Variants in MSRA observed in about 807,000 individuals in gnomAD.
MSRA encodes the protein methionine sulfoxide reductase A, also known as mitochondrial peptide methionine sulfoxide reductase.
MSRA carries 54 observed loss-of-function variants against 31.3 expected under a neutral mutation model. The ratio of observed to expected loss-of-function variants is 1.73; its 90% CI spans 1.39 to 2.17. MSRA has a LOEUF of 2.17. Ranked by LOEUF, MSRA falls within the 30% of genes most tolerant of loss-of-function variation. The probability of loss-of-function intolerance (pLI) is 0.00; values close to 1 mark genes in which losing one functional copy is unlikely to be tolerated. For synonymous variants in MSRA, 169 were observed against 116.5 expected, an observed-to-expected ratio of 1.45 and a Z score of -2.90; for missense variants, 507 against 300.9, an observed-to-expected ratio of 1.69 and a Z score of -5.07.
intron 1 of MSRA, chr8:10,096,071 A>G: frequency 7.3e-7 from 1 of 1,376,572 alleles, no homozygotes; most frequent in East Asian, 2.6e-5. Context: ...ATTTTATTTT[A>G]TTTTTAGACA....
intron 5 of MSRA, among the ~76,000 whole-genome samples, chr8:10,355,590 A>T (rs771064734): frequency 1.3e-5 from 2 of 152,158 alleles, no homozygotes; most frequent in East Asian, 1.9e-4. Flanking sequence ...TCTTCAGTAC[A>T]TACATGGCAG....
rs149889538 is a variant in MSRA, at chr8:10,389,005, T to G, written c.544-39143T>G. The stretch of plus-strand genomic sequence containing the variant: ...GTATGGAGAATCGCCTGTTGACATA[T>G]TTATGCCTAGTGTTCCATTATTGGA... On this transcript the variant is annotated intron_variant, in intron 5 of 5. Transcript: ENST00000317173. 1.8e-3 allele frequency among the ~76,000 whole-genome samples: 277 copies of G among 152,258 alleles called. 5 individuals carry two copies. Among genetic ancestry groups the G allele is most frequent in the African/African-American group, 6.3e-3 (262 of 41,558 alleles).
intron 3 of MSRA, among the ~76,000 whole-genome samples, chr8:10,290,883 A>G (rs543172198): frequency 2.0e-5 from 3 of 152,204 alleles, no homozygotes; most frequent in Non-Finnish European, 4.4e-5. Flanking sequence ...GGTTTTGCCC[A>G]TATCTTATCA....
chr8:10,061,813 T>G (rs886743846), intron 1 of MSRA, among the ~76,000 whole-genome samples: 1 of 152,168 alleles, frequency 6.6e-6, no homozygotes, highest in African/African-American at 2.4e-5. Flanking sequence ...AACTTTTCCC[T>G]GAGTTATTTT....
intron 2 of MSRA, among the ~76,000 whole-genome samples, chr8:10,215,641 G>A (rs1809924513): frequency 6.6e-6 from 1 of 152,180 alleles, no homozygotes; most frequent in Non-Finnish European, 1.5e-5. Flanking sequence ...GCTGGGTACT[G>A]AGAAGCCCAT....
At chr8:10,277,968 C>A (rs1041389863) in intron 3 of MSRA, among the ~76,000 whole-genome samples, 3 of 152,132 alleles carry the variant, frequency 2.0e-5, no homozygotes, top group African/African-American at 7.2e-5. Flanking sequence ...AGAGTAGTAC[C>A]TGTTATTACA....
intron 1 of MSRA, among the ~76,000 whole-genome samples, chr8:10,134,594 A>G (rs1802135551): frequency 6.6e-6 from 1 of 152,172 alleles, no homozygotes; most frequent in Admixed American, 6.5e-5. Flanking sequence ...CTCGAGTCTA[A>G]GTTTACCCGT....
chr8:10,147,952 G>A (rs1411780425), intron 1 of MSRA, among the ~76,000 whole-genome samples: 1 of 152,326 alleles, frequency 6.6e-6, no homozygotes, highest in East Asian at 1.9e-4. Flanking sequence ...TAGAGGGACC[G>A]GAAAGGGGAA....
chr8:10,095,269 A>T (rs1799077602), intron 1 of MSRA, among the ~76,000 whole-genome samples: 1 of 152,202 alleles, frequency 6.6e-6, no homozygotes, highest in Non-Finnish European at 1.5e-5. Flanking sequence ...TAGGGAACAG[A>T]TTCCTTATTG....
At chr8:10,194,052 A>T (rs796665944) in intron 1 of MSRA, among the ~76,000 whole-genome samples, 53 of 151,986 alleles carry the variant, frequency 3.5e-4, no homozygotes, top group African/African-American at 1.3e-3. Context: ...GAGAGAGAGT[A>T]ACAGAAAGGA....
chr8:10,068,980 A>T (rs1179398301), intron 1 of MSRA, among the ~76,000 whole-genome samples: 1 of 152,214 alleles, frequency 6.6e-6, no homozygotes, highest in Non-Finnish European at 1.5e-5. Context: ...TCTTGTTCTT[A>T]GGGATCTTGC....
At chr8:10,277,799 A>G (rs568974784) in intron 3 of MSRA, among the ~76,000 whole-genome samples, 2 of 152,170 alleles carry the variant, frequency 1.3e-5, no homozygotes, top group Non-Finnish European at 2.9e-5. Flanking sequence ...GAGGTAATGC[A>G]TATGCTCATT....
intron 3 of MSRA, among the ~76,000 whole-genome samples, chr8:10,294,980 G>C (rs1800454401): frequency 6.6e-6 from 1 of 152,152 alleles, no homozygotes; most frequent in African/African-American, 2.4e-5. Flanking sequence ...AAACTGGGAG[G>C]TTGCTGAGAG....
intron 3 of MSRA, among the ~76,000 whole-genome samples, chr8:10,298,121 G>A (rs1484524679): frequency 6.6e-6 from 1 of 152,204 alleles, no homozygotes; most frequent in African/African-American, 2.4e-5. Flanking sequence ...TTCCTCATCT[G>A]TTTAATGGGG....
At chr8:10,366,261 T>C (rs1165805754) in intron 5 of MSRA, among the ~76,000 whole-genome samples, 59 of 152,178 alleles carry the variant, frequency 3.9e-4, no homozygotes. Context: ...AAGTGTGAAG[T>C]TATGAGTGGG....
chr8:10,176,310 C>T (rs2129048297), intron 1 of MSRA, among the ~76,000 whole-genome samples: 1 of 152,270 alleles, frequency 6.6e-6, no homozygotes, highest in South Asian at 2.1e-4. Context: ...AATCAAGCCT[C>T]CTCAGAGATG....
intron 1 of MSRA, among the ~76,000 whole-genome samples, chr8:10,100,716 A>C (rs569356036): frequency 1.2e-4 from 18 of 152,268 alleles, no homozygotes; most frequent in African/African-American, 3.8e-4. Context: ...TTTGGCCGTG[A>C]GTTGTGCTCA....
At chr8:10,067,551 A>G (rs539188680) in intron 1 of MSRA, among the ~76,000 whole-genome samples, 1 of 152,312 alleles carries the variant, frequency 6.6e-6, no homozygotes, top group South Asian at 2.1e-4. Flanking sequence ...TAAATGCCCA[A>G]AAGTGTGATT....
chr8:10,054,460 C>A lies in MSRA; in HGVS notation c.-57C>A. On this transcript the variant is annotated 5_prime_UTR_variant, in exon 1 of 6. Coordinates refer to ENST00000317173, the MANE Select transcript of MSRA (RefSeq NM_012331.5). ...ACCCCACTCTCTGCCGTTCCGGCTG[C>A]GGCTCCGCTGCCGGTAGCGCCGTCC... 1 of 1,484,482 alleles carries A rather than the reference C, an allele frequency of 6.7e-7. No homozygotes were observed. Among genetic ancestry groups the A allele is most frequent in the Admixed American group, 2.0e-5 (1 of 48,850 alleles). The allele number at this position is 1,484,482 out of a possible 1,614,324, so 92.0% of individuals were successfully genotyped here.
Sources: allele counts gnomAD v4.1 joint callset (sites outside exome capture counted in the v4.1 genomes callset), GRCh38; gene constraint gnomAD v4.1.1; transcripts MANE v1.5; gene names NCBI Gene and HGNC (gene_info 2026-07-23, HGNC 2026-07-21).